Variants in SCHIP1 observed in about 807,000 individuals in gnomAD.
SCHIP1 encodes schwannomin interacting protein 1.
A neutral mutation model predicts 29.7 loss-of-function variants in SCHIP1; 8 were observed. The observed-to-expected ratio is 0.27, with a 90% CI of 0.16 to 0.49. The LOEUF (loss-of-function observed/expected upper bound fraction) is 0.49. Ranked by LOEUF, SCHIP1 falls within the 20% of genes least tolerant of loss-of-function variation. The pLI is 0.99. For synonymous variants in SCHIP1, 76 were observed against 94.9 expected, an observed-to-expected ratio of 0.80 and a Z score of 1.16; for missense variants, 193 against 294.6, an observed-to-expected ratio of 0.66 and a Z score of 2.52.
the SCHIP1 span, among the ~76,000 whole-genome samples, chr3:159,517,127 A>T: frequency 6.6e-6 from 1 of 152,190 alleles, no homozygotes; most frequent in Middle Eastern, 3.4e-3. Flanking sequence ...GTATTGGGCT[A>T]CTCTCACCCC....
chr3:159,780,709 G>A, the SCHIP1 span, among the ~76,000 whole-genome samples: 1 of 152,216 alleles, frequency 6.6e-6, no homozygotes, highest in African/African-American at 2.4e-5. Flanking sequence ...TTACCTCTGT[G>A]ACCCATAGTG....
At chr3:159,340,464 A>G in the SCHIP1 span, among the ~76,000 whole-genome samples, 1 of 152,134 alleles carries the variant, frequency 6.6e-6, no homozygotes, top group Non-Finnish European at 1.5e-5. Flanking sequence ...AAATACTGAA[A>G]GTTTATAGCC....
chr3:159,808,402 A>C, the SCHIP1 span: 1 of 152,228 alleles, frequency 6.6e-6, no homozygotes, highest in Non-Finnish European at 1.5e-5. Context: ...TGCAGTTACA[A>C]ATGTTCATGT....
chr3:159,499,466 T>C, the SCHIP1 span, among the ~76,000 whole-genome samples: 551 of 152,354 alleles, frequency 3.6e-3, 8 homozygotes, highest in African/African-American at 0.013. Flanking sequence ...GTCATACGGA[T>C]CCACATTTAT....
At chr3:159,750,261 G>GTATATATATATA in the SCHIP1 span, among the ~76,000 whole-genome samples, 33 of 11,734 alleles carry the variant, frequency 2.8e-3, no homozygotes, top group Admixed American at 5.2e-3. Context: ...GTATGTGTGT[G>GTATATATATATA]TGTATATATA....
chr3:159,538,037 A>T, the SCHIP1 span, among the ~76,000 whole-genome samples: 1 of 152,196 alleles, frequency 6.6e-6, no homozygotes, highest in Non-Finnish European at 1.5e-5. Flanking sequence ...AAAGGAGATT[A>T]GCCATGTTGC....
the SCHIP1 span, among the ~76,000 whole-genome samples, chr3:159,428,622 G>A: frequency 2.0e-5 from 3 of 150,210 alleles, no homozygotes; most frequent in Non-Finnish European, 4.5e-5. Flanking sequence ...TTCAACCATT[G>A]TGGAAGTCAG....
chr3:159,476,148 C>T, the SCHIP1 span, among the ~76,000 whole-genome samples: 8 of 152,294 alleles, frequency 5.3e-5, 1 homozygote, highest in African/African-American at 1.9e-4. Flanking sequence ...TAGTGGGCAG[C>T]TCCTCTCTGA....
chr3:159,583,994 C>A, the SCHIP1 span, among the ~76,000 whole-genome samples: 1 of 152,134 alleles, frequency 6.6e-6, no homozygotes, highest in Non-Finnish European at 1.5e-5. Context: ...ATTTGCAAAA[C>A]CAAGTAAATA....
chr3:159,295,253 T>TGA, the SCHIP1 span, among the ~76,000 whole-genome samples: 1 of 66,984 alleles, frequency 1.5e-5, no homozygotes, highest in African/African-American at 6.9e-5. Flanking sequence ...CTATCTCTAC[T>TGA]AAAAAAAAAA....
chr3:159,562,616 C>T, the SCHIP1 span, among the ~76,000 whole-genome samples: 2 of 152,126 alleles, frequency 1.3e-5, no homozygotes, highest in African/African-American at 4.8e-5. Context: ...TTAGCTGTAT[C>T]CCAAGCTACA....
the SCHIP1 span, among the ~76,000 whole-genome samples, chr3:159,594,669 T>G: frequency 6.6e-6 from 1 of 152,206 alleles, no homozygotes; most frequent in Non-Finnish European, 1.5e-5. Context: ...ATTAATAACA[T>G]CTTCAGCATA....
At chr3:159,611,225 T>C in the SCHIP1 span, among the ~76,000 whole-genome samples, 1 of 152,116 alleles carries the variant, frequency 6.6e-6, no homozygotes, top group Admixed American at 6.6e-5. Context: ...CACAGTCAAG[T>C]CCGGGGAGCC....
the SCHIP1 span, among the ~76,000 whole-genome samples, chr3:159,579,907 AG>A: frequency 6.6e-6 from 1 of 152,182 alleles, no homozygotes; most frequent in African/African-American, 2.4e-5. Flanking sequence ...ACTGAGGGCA[AG>A]GGAAAAAAAT....
At chr3:159,452,944 C>T in the SCHIP1 span, among the ~76,000 whole-genome samples, 1 of 152,170 alleles carries the variant, frequency 6.6e-6, no homozygotes, top group African/African-American at 2.4e-5. Flanking sequence ...TTTGGCTCAG[C>T]CTAGAAAACC....
intron 4 of SCHIP1, chr3:159,888,259 C>T (rs1717150857): frequency 6.7e-6 from 2 of 300,162 alleles, no homozygotes; most frequent in African/African-American, 4.3e-5. Flanking sequence ...TCTCATATTT[C>T]AATAAAGACA....
At chr3:159,740,710 A>C in the SCHIP1 span, among the ~76,000 whole-genome samples, 2 of 143,410 alleles carry the variant, frequency 1.4e-5, no homozygotes, top group African/African-American at 5.2e-5. Flanking sequence ...TAAGAGAGAC[A>C]GGCCACTTCA....
chr3:159,389,968 A>T, the SCHIP1 span, among the ~76,000 whole-genome samples: 49 of 152,228 alleles, frequency 3.2e-4, no homozygotes, highest in East Asian at 5.4e-3. Flanking sequence ...ATGGAAAAAG[A>T]TAATCTCAAA....
chr3:159,854,376 A>G lies in SCHIP1; in HGVS notation c.31-11787A>G, dbSNP rs1279183955. The stretch of plus-strand genomic sequence containing the variant: ...ATATGGTAGTTTATATCTTATATAC[A>G]TATATGTGTGTGTGTGAGTGTGGGG... On this transcript the variant is annotated intron_variant, in intron 1 of 6. Coordinates refer to ENST00000445224, the Ensembl canonical transcript of SCHIP1. 9.2e-5 allele frequency among the ~76,000 whole-genome samples: 14 copies of G among 152,024 alleles called. No homozygotes were observed. The South Asian group carries it at 2.5e-3, about 27-fold the overall frequency.
Sources: allele counts gnomAD v4.1 joint callset (sites outside exome capture counted in the v4.1 genomes callset), GRCh38; gene constraint gnomAD v4.1.1; transcripts MANE v1.5; gene names NCBI Gene and HGNC (gene_info 2026-07-23, HGNC 2026-07-21).